Variants in GDF5 observed in about 807,000 individuals in gnomAD.
GDF5 encodes growth/differentiation factor 5.
A neutral mutation model predicts 34.6 loss-of-function variants in GDF5; 17 were observed. That is an observed-to-expected ratio of 0.49 (90% CI 0.34 to 0.74). GDF5 has a LOEUF of 0.74. GDF5 is among the 30% of genes least tolerant of loss of function. The probability of loss-of-function intolerance (pLI) is 0.01; values close to 1 mark genes in which losing one functional copy is unlikely to be tolerated. For missense variants in GDF5, 616 were observed against 661.2 expected (o/e 0.93, Z 0.75); for synonymous variants, 332 against 290.7 (o/e 1.14, Z -1.44).
At chr20:35,435,257 C>T in intron 1 of GDF5, 1 of 275,860 alleles carries the variant, frequency 3.6e-6, no homozygotes, top group Non-Finnish European at 7.1e-6. Flanking sequence ...TCGAAACCAG[C>T]CTGCACAACA....
intron 1 of GDF5, among the ~76,000 whole-genome samples, chr20:35,453,538 T>C (rs969767007): frequency 2.0e-5 from 3 of 152,208 alleles, no homozygotes; most frequent in African/African-American, 7.2e-5. Flanking sequence ...TGTGGGATTA[T>C]TTCCCTAGGA....
At chr20:35,453,881 G>A (rs2062549353) in intron 1 of GDF5, 1 of 534,160 alleles carries the variant, frequency 1.9e-6, no homozygotes, top group Admixed American at 1.9e-5. Flanking sequence ...CTTGTGCTGA[G>A]CGCTATAGTC....
chr20:35,433,942 C>G lies in GDF5; in HGVS notation c.1473G>C (p.Glu491Asp), dbSNP rs146951838. The G allele has an allele frequency of 6.2e-7, 1 of 1,614,094 alleles. No homozygotes were observed. The highest frequency in any genetic ancestry group is 8.5e-7 in the Non-Finnish European group (1 of 1,179,964). Residue 491 changes from glutamate (E) to aspartate (D), a missense_variant, in exon 2 of 2, where the codon GAG (glutamate) becomes GAC (aspartate). Physicochemically the swap from Glu to Asp is conservative, Grantham distance 45 (BLOSUM62 2). Transcript: ENST00000374369. ...AGCCACACGACTCCACGACCATGTCCTCATACTGCTTATACACCACGTTGT... is the reference window on the plus strand; with the variant it reads ...AGCCACACGACTCCACGACCATGTCGTCATACTGCTTATACACCACGTTGT... ...SANNVVYKQYEDMVVESCGCR is the reference protein window; with the variant it reads ...SANNVVYKQYDDMVVESCGCR
At chr20:35,447,781 T>C (rs1021178770) in intron 1 of GDF5, among the ~76,000 whole-genome samples, 1 of 152,126 alleles carries the variant, frequency 6.6e-6, no homozygotes, top group African/African-American at 2.4e-5. Context: ...ATCAGTCTCC[T>C]AGATGACTTT....
At chr20:35,451,861 G>A (rs916282743) in intron 1 of GDF5, among the ~76,000 whole-genome samples, 4 of 152,052 alleles carry the variant, frequency 2.6e-5, no homozygotes, top group African/African-American at 9.7e-5. Flanking sequence ...GACTGATGTG[G>A]TGTACTCTTA....
chr20:35,441,136 G>A (rs1009983350), upstream of GDF5: 4 of 152,232 alleles, frequency 2.6e-5, no homozygotes, highest in Non-Finnish European at 5.9e-5. Context: ...AACAGACCTG[G>A]TTTTGAAGCT....
chr20:35,445,170 A>C (rs2062509716), intron 1 of GDF5, among the ~76,000 whole-genome samples: 1 of 152,200 alleles, frequency 6.6e-6, no homozygotes, highest in Admixed American at 6.5e-5. Flanking sequence ...TCTCAAGCAA[A>C]TTATTTCATC....
At chr20:35,448,259 G>A (rs1260899978) in intron 1 of GDF5, among the ~76,000 whole-genome samples, 1 of 151,750 alleles carries the variant, frequency 6.6e-6, no homozygotes, top group Non-Finnish European at 1.5e-5. Context: ...AACCCTAGCT[G>A]GTAAGTACTG....
At chr20:35,450,024 C>T (rs981622657) in intron 1 of GDF5, among the ~76,000 whole-genome samples, 6 of 150,690 alleles carry the variant, frequency 4.0e-5, no homozygotes, top group East Asian at 2.0e-4. Context: ...GAGAATGGGC[C>T]GGGCGTCGCG....
upstream of GDF5, among the ~76,000 whole-genome samples, chr20:35,439,634 G>A (rs1276732449): frequency 6.6e-6 from 1 of 152,106 alleles, no homozygotes; most frequent in Admixed American, 6.6e-5. Flanking sequence ...CCCTTCCTCT[G>A]GGGAACCTTC....
rs992784392 is a variant in GDF5, at chr20:35,433,650, CAG to C, written c.*257_*258del. 7.5e-4 allele frequency: 408 copies of C among 544,436 alleles called. 1 individual carries two copies. Among genetic ancestry groups the C allele is most frequent in the South Asian group, 2.3e-3 (121 of 51,854 alleles). The allele number at this position is 544,436 out of a possible 1,614,324, so 33.7% of individuals were successfully genotyped here. Reference sequence around the variant, plus strand: ...CTGTTTCCTGGGACTCAGTCCCATTCAGAGTCTGTCTCCCTGGACCTGTGCCT... The same window carrying C: ...CTGTTTCCTGGGACTCAGTCCCATTCAGTCTGTCTCCCTGGACCTGTGCCT... On this transcript the variant is annotated 3_prime_UTR_variant, in exon 2 of 2. Coordinates refer to ENST00000374369, the MANE Select transcript of GDF5 (RefSeq NM_000557.5).
Position 35,434,304 on chromosome 20 carries a change from C to A in GDF5, c.1111G>T (p.Glu371Ter). The change falls in exon 2 of 2, where the codon GAG becomes TAG. Residue 371 changes from glutamate (E) to a stop codon, truncating the protein, a stop_gained. Transcript: ENST00000374369. LOFTEE classifies it high-confidence loss of function. Reference protein sequence around the residue: ...RSGQDDKTVYEYLFSQRRKRR... With the variant: ...RSGQDDKTVY ...TTTCGCCGCTGGCTGAACAGGTACT[C>A]ATACACGGTCTTATCGTCCTGGCCA... 1.2e-6 allele frequency: 2 copies of A among 1,614,170 alleles called. No homozygotes were observed. The highest frequency in any genetic ancestry group is 1.7e-6 in the Non-Finnish European group (2 of 1,180,038).
rs1160668170 is a variant in GDF5, at chr20:35,434,659, T to C, written c.756A>G (p.Pro252=). 1 of 1,610,212 alleles carries C rather than the reference T, an allele frequency of 6.2e-7. No individual in the cohort carries two copies. Among genetic ancestry groups the C allele is most frequent in the East Asian group, 2.2e-5 (1 of 44,772 alleles). The change falls in exon 2 of 2, where the codon CCA becomes CCG. Residue 252 remains proline (P), a synonymous_variant. Transcript: ENST00000374369. ...LRKKPSDTAK[P]AAPGGGRAAQ... ...CAGCCCGCCCGCCTCCGGGGGCCGC[T>C]GGCTTGGCCGTGTCCGAGGGCTTCT...
At chr20:35,443,889 C>G (rs944030766) in intron 1 of GDF5, among the ~76,000 whole-genome samples, 1 of 152,070 alleles carries the variant, frequency 6.6e-6, no homozygotes, top group African/African-American at 2.4e-5. Flanking sequence ...ATAATAATCC[C>G]TTTTTCAAGC....
chr20:35,440,082 A>G (rs951664375), upstream of GDF5, among the ~76,000 whole-genome samples: 2 of 150,868 alleles, frequency 1.3e-5, no homozygotes, highest in Non-Finnish European at 3.0e-5. Context: ...ATGCCTATCT[A>G]TTTTTTGTAT....
chr20:35,433,886 A>G lies in GDF5; in HGVS notation c.*23T>C. 2 of 1,606,858 alleles carry G rather than the reference A, an allele frequency of 1.2e-6. No homozygotes were observed. Among genetic ancestry groups the G allele is most frequent in the East Asian group, 2.2e-5 (1 of 44,840 alleles). On this transcript the variant is annotated 3_prime_UTR_variant, in exon 2 of 2. Transcript: ENST00000374369. ...AAGGGGCTCTTGGGATGTGCCACCC[A>G]GGAAGACAGAGGGCCAGTGCTGCTA...
chr20:35,441,229 T>TA (rs1393372717), upstream of GDF5: 1 of 152,118 alleles, frequency 6.6e-6, no homozygotes, highest in Non-Finnish European at 1.5e-5. Flanking sequence ...CGATAGTGCT[T>TA]ACCTCACAGG....
intron 1 of GDF5, among the ~76,000 whole-genome samples, chr20:35,443,262 C>T (rs2062503800): frequency 6.6e-6 from 1 of 152,056 alleles, no homozygotes; most frequent in Admixed American, 6.6e-5. Context: ...GCTTCAGTCC[C>T]GACATGTTTA....
At chr20:35,448,369 T>C (rs1185565225) in intron 1 of GDF5, among the ~76,000 whole-genome samples, 2 of 145,352 alleles carry the variant, frequency 1.4e-5, no homozygotes, top group Non-Finnish European at 3.0e-5. Context: ...ACATCTGTAG[T>C]CCTGGCTACG....
Sources: allele counts gnomAD v4.1 joint callset (sites outside exome capture counted in the v4.1 genomes callset), GRCh38; gene constraint gnomAD v4.1.1; transcripts MANE v1.5; gene names NCBI Gene and HGNC (gene_info 2026-07-23, HGNC 2026-07-21).